Variants in FABP3 observed in about 807,000 individuals in gnomAD.
The protein encoded by FABP3 is fatty acid-binding protein, heart.
In FABP3, 8 loss-of-function variants were observed where a neutral mutation model predicts 13.4. The observed-to-expected ratio is 0.60, with a 90% CI of 0.35 to 1.07. The LOEUF is 1.07. Among genes scored for constraint, FABP3 ranks in the 50% least tolerant of loss-of-function variants. The pLI is 0.02. For synonymous variants in FABP3, 64 were observed against 60.0 expected, an observed-to-expected ratio of 1.07 and a Z score of -0.31; for missense variants, 135 against 164.7, an observed-to-expected ratio of 0.82 and a Z score of 0.99.
chr1:31,372,691 T>A (rs1640228374), intron 1 of FABP3, among the ~76,000 whole-genome samples: 1 of 152,046 alleles, frequency 6.6e-6, no homozygotes, highest in Admixed American at 6.5e-5. Flanking sequence ...AAATCACATA[T>A]CCCTCTTCCT....
At chr1:31,369,627 A>G (rs1640174087) in intron 1 of FABP3, 70 bp from the exon 2 acceptor site, 9 of 1,462,544 alleles carry the variant, frequency 6.2e-6, no homozygotes, top group Non-Finnish European at 8.5e-6. Flanking sequence ...AACTCAATGA[A>G]TAACTCTCAG....
downstream of FABP3, chr1:31,364,327 C>A (rs3766294): frequency 7.8e-6 from 11 of 1,412,594 alleles, no homozygotes; most frequent in Admixed American, 1.1e-4. Context: ...GATGGCTTCC[C>A]CTCATGCAAC....
At chr1:31,366,090 GTGTGTGTGTA>G (rs1432726162) in intron 3 of FABP3, 151 bp from the exon 4 acceptor site, 4 of 280,686 alleles carry the variant, frequency 1.4e-5, no homozygotes, top group African/African-American at 2.9e-5. Context: ...GTGTGTGTGT[GTGTGTGTGTA>G]TACATACATA....
chr1:31,363,054 C>A (rs35998242), downstream of FABP3, among the ~76,000 whole-genome samples: 31,512 of 151,872 alleles, frequency 0.21, 3,599 homozygotes, highest in African/African-American at 0.29. Flanking sequence ...TATAAATACA[C>A]ATGTATATGT....
chr1:31,370,874 A>G (rs1640196153), intron 1 of FABP3, among the ~76,000 whole-genome samples: 1 of 152,240 alleles, frequency 6.6e-6, no homozygotes. Flanking sequence ...CTGGCTACAT[A>G]GTGCTTGCTG....
chr1:31,371,308 C>T lies in FABP3; in HGVS notation c.73+1634G>A, dbSNP rs150332981. On this transcript the variant is annotated intron_variant, in intron 1 of 3. Transcript: ENST00000373713. ...CCTTGCACAGAGCAGGACCTTGTCA[C>T]GGCACTGGGAGCTCTGTTCACTTAG... is the stretch of plus-strand genomic sequence containing the variant. Among the ~76,000 whole-genome samples the T allele has an allele frequency of 5.3e-5, 8 of 152,310 alleles. No homozygotes were observed. In the East Asian group the frequency reaches 7.7e-4, roughly 15 times the overall value.
In FABP3 at chr1:31,365,587, C is replaced by T; in HGVS notation, c.*299G>A. On this transcript the variant is annotated 3_prime_UTR_variant, in exon 4 of 4. Transcript: ENST00000373713. ...TAACCTTCAGGCCGTTATTTCTGCC[C>T]ACTCTCTGACACACAGGATAAACCA... 1 of 341,216 alleles carries T rather than the reference C, an allele frequency of 2.9e-6. No homozygotes were observed. The highest frequency in any genetic ancestry group is 4.2e-5 in the Admixed American group (1 of 23,538). The allele number at this position is 341,216 out of a possible 1,614,324, so 21.1% of individuals were successfully genotyped here.
chr1:31,370,634 C>G (rs1330884885), intron 1 of FABP3, among the ~76,000 whole-genome samples: 1 of 152,198 alleles, frequency 6.6e-6, no homozygotes, highest in Non-Finnish European at 1.5e-5. Flanking sequence ...AACCCGTCTC[C>G]TGACTCCCAG....
At chr1:31,372,879 T>C in intron 1 of FABP3, 63 bp downstream of exon 1, 1 of 1,479,378 alleles carries the variant, frequency 6.8e-7, no homozygotes, top group South Asian at 1.1e-5. Context: ...GAGTGCTGCG[T>C]GGGGCTAGGC....
chr1:31,362,854 TA>T (rs1246231143), downstream of FABP3, among the ~76,000 whole-genome samples: 2 of 152,046 alleles, frequency 1.3e-5, no homozygotes, highest in Admixed American at 6.6e-5. Flanking sequence ...GATACTTGTT[TA>T]AAAAAAATCA....
downstream of FABP3, among the ~76,000 whole-genome samples, chr1:31,361,669 A>AG (rs1463765070): frequency 1.3e-5 from 2 of 150,624 alleles, no homozygotes; most frequent in South Asian, 4.2e-4. Context: ...TATGATCTAC[A>AG]TGAAGATCCC....
At chr1:31,372,546 C>G (rs980328423) in intron 1 of FABP3, among the ~76,000 whole-genome samples, 1 of 152,188 alleles carries the variant, frequency 6.6e-6, no homozygotes, top group Non-Finnish European at 1.5e-5. Context: ...TGTACACTCC[C>G]TGGCTGCCCC....
chr1:31,363,031 A>G (rs910073394), downstream of FABP3, among the ~76,000 whole-genome samples: 4 of 152,254 alleles, frequency 2.6e-5, no homozygotes, highest in African/African-American at 9.6e-5. Context: ...AGTTTATATC[A>G]TGTGCATATA....
chr1:31,371,605 C>G (rs1416246276), intron 1 of FABP3, among the ~76,000 whole-genome samples: 1 of 152,194 alleles, frequency 6.6e-6, no homozygotes, highest in African/African-American at 2.4e-5. Context: ...GCTGACCCAA[C>G]TCGGGGCAGA....
intron 1 of FABP3, among the ~76,000 whole-genome samples, chr1:31,370,594 T>G (rs531793347): frequency 2.0e-5 from 3 of 152,198 alleles, no homozygotes; most frequent in Non-Finnish European, 4.4e-5. Flanking sequence ...AGGAGGAGCC[T>G]AAAGCGGTAG....
downstream of FABP3, chr1:31,364,067 A>C: frequency 1.9e-6 from 3 of 1,613,816 alleles, no homozygotes; most frequent in Non-Finnish European, 2.5e-6. Context: ...ATAGGAAGTC[A>C]TCTGACTCTG....
intron 3 of FABP3, among the ~76,000 whole-genome samples, 175 bp downstream of exon 3, chr1:31,367,218 T>TGA (rs1640129196): frequency 6.6e-6 from 1 of 152,186 alleles, no homozygotes; most frequent in Admixed American, 6.5e-5. Flanking sequence ...CCGGCCTGTG[T>TGA]GAGTCCAAAG....
chr1:31,367,937 C>T (rs1640141299), intron 2 of FABP3, among the ~76,000 whole-genome samples: 1 of 152,174 alleles, frequency 6.6e-6, no homozygotes, highest in African/African-American at 2.4e-5. Flanking sequence ...TGTGGTTAGT[C>T]CACATAATGT....
chr1:31,365,566 C>A lies in FABP3; in HGVS notation c.*320G>T. ...CATCCAGTGCTTCTTCCTCAGTAAC[C>A]TTCAGGCCGTTATTTCTGCCCACTC... is the stretch of plus-strand genomic sequence containing the variant. On this transcript the variant is annotated 3_prime_UTR_variant, in exon 4 of 4. Coordinates refer to ENST00000373713, the MANE Select transcript of FABP3 (RefSeq NM_004102.5). 1 of 313,096 alleles carries A rather than the reference C, an allele frequency of 3.2e-6. No homozygotes were observed. Among genetic ancestry groups the A allele is most frequent in the Non-Finnish European group, 6.1e-6 (1 of 163,200 alleles). The allele number at this position is 313,096 out of a possible 1,614,324, so 19.4% of individuals were successfully genotyped here. A position where few individuals can be genotyped will look rare whatever the true frequency, so the allele number is the denominator to read the frequency against.
Sources: gnomAD v4.1 joint callset for allele counts (sites outside exome capture counted in the v4.1 genomes callset) on GRCh38, gnomAD v4.1.1 for gene constraint, MANE v1.5 for transcripts, NCBI Gene and HGNC (gene_info 2026-07-23, HGNC 2026-07-21) for gene names.